Variants in WDSUB1 observed in about 807,000 individuals in gnomAD.
The protein encoded by WDSUB1 is WD repeat, sterile alpha motif and U-box domain containing 1.
A neutral mutation model predicts 53.9 loss-of-function variants in WDSUB1; 49 were observed. The ratio of observed to expected loss-of-function variants is 0.91; its 90% CI spans 0.72 to 1.15. The LOEUF (loss-of-function observed/expected upper bound fraction) is 1.15, where lower values mean the gene tolerates loss of function less well. WDSUB1 is among the 50% of genes most tolerant of loss of function. WDSUB1 has a pLI of 0.00. For synonymous variants in WDSUB1, 194 were observed against 200.6 expected, an observed-to-expected ratio of 0.97 and a Z score of 0.28; for missense variants, 514 against 562.0, an observed-to-expected ratio of 0.91 and a Z score of 0.86.
chr2:159,253,380 A>G (rs2060993438), intron 9 of WDSUB1, among the ~76,000 whole-genome samples: 1 of 151,578 alleles, frequency 6.6e-6, no homozygotes, highest in Non-Finnish European at 1.5e-5. Flanking sequence ...CATTAACACA[A>G]TCCTAGAAAA....
chr2:159,238,815 G>C (rs1015640319), intron 10 of WDSUB1, among the ~76,000 whole-genome samples: 2 of 143,070 alleles, frequency 1.4e-5, no homozygotes, highest in Admixed American at 1.4e-4. Flanking sequence ...ATCACCTTGT[G>C]TATCTCTCGG....
intron 10 of WDSUB1, among the ~76,000 whole-genome samples, chr2:159,248,085 T>C (rs892744624): frequency 6.6e-6 from 1 of 150,870 alleles, no homozygotes; most frequent in Non-Finnish European, 1.5e-5. Flanking sequence ...ACAAGAGATC[T>C]CAACAATCTG....
intron 5 of WDSUB1, among the ~76,000 whole-genome samples, chr2:159,265,207 G>A (rs2061315702): frequency 6.6e-6 from 1 of 151,668 alleles, no homozygotes; most frequent in African/African-American, 2.4e-5. Context: ...TGGGATGACT[G>A]TTTGAGCCCA....
At chr2:159,253,571 T>C (rs60955986) in intron 9 of WDSUB1, among the ~76,000 whole-genome samples, 2,906 of 126,120 alleles carry the variant, frequency 0.023, 107 homozygotes, top group African/African-American at 0.068. Context: ...CCCTCCAATG[T>C]ACTTTACTGT....
chr2:159,262,379 A>G (rs923179502), intron 5 of WDSUB1, among the ~76,000 whole-genome samples: 3 of 152,172 alleles, frequency 2.0e-5, no homozygotes. Context: ...TGTCTGCCCA[A>G]GGAATCTGGA....
At chr2:159,268,936 AGAAAG>A (rs140415738) in intron 5 of WDSUB1, among the ~76,000 whole-genome samples, 4,315 of 152,190 alleles carry the variant, frequency 0.028, 189 homozygotes, top group African/African-American at 0.094. Context: ...TATTAGCTGA[AGAAAG>A]GAAAGGGAAA....
intron 9 of WDSUB1, among the ~76,000 whole-genome samples, chr2:159,251,422 G>A (rs2060949440): frequency 6.6e-6 from 1 of 152,118 alleles, no homozygotes; most frequent in South Asian, 2.1e-4. Context: ...AAATTCCCCA[G>A]AGAAGGTTAA....
intron 9 of WDSUB1, 146 bp from the exon 10 acceptor site, chr2:159,248,658 A>G: frequency 1.1e-6 from 1 of 946,214 alleles, no homozygotes; most frequent in South Asian, 2.6e-5. Context: ...GCTGGAGTGC[A>G]GTGGCAAAAC....
At chr2:159,252,685 T>C (rs990351308) in intron 9 of WDSUB1, among the ~76,000 whole-genome samples, 1 of 152,210 alleles carries the variant, frequency 6.6e-6, no homozygotes, top group African/African-American at 2.4e-5. Context: ...TGCAGTTACA[T>C]AGGCAACAAG....
chr2:159,247,892 TATATATATATATATATAA>T (rs1218862697), intron 10 of WDSUB1, among the ~76,000 whole-genome samples: 6 of 28,368 alleles, frequency 2.1e-4, no homozygotes, highest in East Asian at 8.5e-4. Context: ...AATAAATATA[TATATATATATATATATAA>T]ATATATATAT....
intron 10 of WDSUB1, among the ~76,000 whole-genome samples, chr2:159,243,218 C>A (rs1446963607): frequency 2.0e-5 from 3 of 147,780 alleles, no homozygotes; most frequent in Non-Finnish European, 4.4e-5. Context: ...GAAAAAAAAG[C>A]CACTTGAAAG....
At chr2:159,277,811 T>TAAGG (rs1422805440) in intron 3 of WDSUB1, among the ~76,000 whole-genome samples, 2 of 152,146 alleles carry the variant, frequency 1.3e-5, no homozygotes, top group East Asian at 3.8e-4. Context: ...TTTCAGAGAA[T>TAAGG]TTACTCATAA....
At chr2:159,253,871 T>A (rs2061004162) in intron 9 of WDSUB1, among the ~76,000 whole-genome samples, 1 of 152,200 alleles carries the variant, frequency 6.6e-6, no homozygotes, top group Non-Finnish European at 1.5e-5. Flanking sequence ...TATAGAAGAT[T>A]AAAGTTAGCC....
Position 159,279,823 on chromosome 2 carries a change from T to G in WDSUB1, c.521A>C (p.His174Pro). ...TCCAAGATCATGTGCTTTTTCACTA[T>G]GCAGACACCTCATTTTATCATCCCA... ...TVWDDKMRCL[H>P]SEKAHDLGIT... Residue 174 changes from histidine (H) to proline (P), a missense_variant, in exon 3 of 11, where the codon CAT becomes CCT. His to Pro is a moderately conservative substitution (Grantham distance 77, BLOSUM62 -2). Coordinates refer to ENST00000359774, the MANE Select transcript of WDSUB1 (RefSeq NM_001128212.3). The G allele has an allele frequency of 6.2e-7, 1 of 1,612,742 alleles. No homozygotes were observed. Among genetic ancestry groups the G allele is most frequent in the Non-Finnish European group, 8.5e-7 (1 of 1,179,040 alleles).
intron 5 of WDSUB1, among the ~76,000 whole-genome samples, chr2:159,261,820 T>C (rs2061194202): frequency 7.8e-6 from 1 of 128,148 alleles, no homozygotes; most frequent in Non-Finnish European, 1.6e-5. Context: ...TATGATGAGA[T>C]GAAAGGAAAA....
rs1190797909 is a variant in WDSUB1 at position 159,276,071 on chromosome 2, T to TC, written c.584-434_584-433insG. Among the ~76,000 whole-genome samples the TC allele has an allele frequency of 1.3e-5, 2 of 152,072 alleles. 1 individual carries two copies. Among genetic ancestry groups the TC allele is most frequent in the East Asian group, 3.9e-4 (2 of 5,192 alleles). On this transcript the variant is annotated intron_variant, in intron 3 of 10. Transcript: ENST00000359774. Reference sequence around the variant, plus strand: ...GTCATAGCAATTTCTTCCTTTTTTTTTTTTTGAGATGGAGTCTCGCTCTGA... The same window carrying TC: ...GTCATAGCAATTTCTTCCTTTTTTTTCTTTTTGAGATGGAGTCTCGCTCTGA...
chr2:159,241,885 A>G lies in WDSUB1; in HGVS notation c.1274-5695T>C, dbSNP rs1375314031. On this transcript the variant is annotated intron_variant, in intron 10 of 10. Transcript: ENST00000359774. Reference sequence around the variant, plus strand: ...GAGTCACTTGTGGTAAGCTGGCAAAAAAATGGAGAAAGATGCCTATAAACA... The same window carrying G: ...GAGTCACTTGTGGTAAGCTGGCAAAGAAATGGAGAAAGATGCCTATAAACA... Among the ~76,000 whole-genome samples the G allele has an allele frequency of 3.5e-5, 5 of 143,142 alleles. 1 individual carries two copies. The highest frequency in any genetic ancestry group is 1.4e-4 in the African/African-American group (5 of 35,296). The allele number at this position is 143,142 out of a possible 152,430, so 93.9% of individuals were successfully genotyped here. A position where few individuals can be genotyped will look rare whatever the true frequency, so the allele number is the denominator to read the frequency against.
intron 9 of WDSUB1, among the ~76,000 whole-genome samples, chr2:159,255,849 G>C (rs1178956011): frequency 6.6e-6 from 1 of 152,020 alleles, no homozygotes; most frequent in Non-Finnish European, 1.5e-5. Flanking sequence ...ATCAAAACTT[G>C]TTTTTGGTAA....
intron 1 of WDSUB1, among the ~76,000 whole-genome samples, chr2:159,283,861 C>T: frequency 6.6e-6 from 1 of 152,204 alleles, no homozygotes; most frequent in Non-Finnish European, 1.5e-5. Flanking sequence ...GTCATCCAAG[C>T]TTGAGTGCAG....
Sources: gnomAD v4.1 joint callset for allele counts (sites outside exome capture counted in the v4.1 genomes callset) on GRCh38, gnomAD v4.1.1 for gene constraint, MANE v1.5 for transcripts, NCBI Gene and HGNC (gene_info 2026-07-23, HGNC 2026-07-21) for gene names.